The following PRKG1 variants were observed in gnomAD, a reference collection of about 807,000 sequenced individuals.
The protein encoded by PRKG1 is cGMP-dependent protein kinase 1.
In PRKG1, 35 loss-of-function variants were observed where a neutral mutation model predicts 88.1. That is an observed-to-expected ratio of 0.40 (90% CI 0.30 to 0.53). The LOEUF (loss-of-function observed/expected upper bound fraction) is 0.53. Ranked by LOEUF, PRKG1 falls within the 20% of genes least tolerant of loss-of-function variation. The pLI is 0.59. For synonymous variants in PRKG1, 303 were observed against 292.5 expected, an observed-to-expected ratio of 1.04 and a Z score of -0.37; for missense variants, 540 against 839.8, an observed-to-expected ratio of 0.64 and a Z score of 4.41.
chr10:51,661,041 T>G (rs1184977494), intron 3 of PRKG1, among the ~76,000 whole-genome samples: 1 of 152,070 alleles, frequency 6.6e-6, no homozygotes, highest in Non-Finnish European at 1.5e-5. Flanking sequence ...TTGTTGTTGT[T>G]GTTAGAATGG....
intron 3 of PRKG1, among the ~76,000 whole-genome samples, chr10:51,622,760 C>T (rs1012949768): frequency 6.6e-6 from 1 of 152,152 alleles, no homozygotes. Flanking sequence ...AAGAACAGTG[C>T]TTTTTGGCCA....
chr10:52,153,543 A>C (rs1838000899), intron 8 of PRKG1, among the ~76,000 whole-genome samples: 1 of 152,054 alleles, frequency 6.6e-6, no homozygotes, highest in Non-Finnish European at 1.5e-5. Context: ...CTGTTTCTTG[A>C]TTGTTAACTT....
chr10:51,446,017 G>C (rs1839263179), intron 2 of PRKG1, among the ~76,000 whole-genome samples: 1 of 151,972 alleles, frequency 6.6e-6, no homozygotes, highest in South Asian at 2.1e-4. Context: ...TTGCCCTTAA[G>C]AAGTAGAGTT....
chr10:51,426,943 T>G (rs16917897), intron 2 of PRKG1, among the ~76,000 whole-genome samples: 4,595 of 152,268 alleles, frequency 0.03, 208 homozygotes, highest in African/African-American at 0.1. Flanking sequence ...ATTCTTACTT[T>G]TCATTTCTTC....
intron 2 of PRKG1, among the ~76,000 whole-genome samples, chr10:51,383,300 TGAG>T (rs1486360815): frequency 1.3e-5 from 2 of 151,376 alleles, no homozygotes; most frequent in East Asian, 1.9e-4. Flanking sequence ...GCAAGTAGAA[TGAG>T]GAGGAGTAGA....
intron 5 of PRKG1, among the ~76,000 whole-genome samples, chr10:52,043,366 C>T (rs111722921): frequency 3.3e-5 from 5 of 152,106 alleles, no homozygotes; most frequent in African/African-American, 1.2e-4. Flanking sequence ...GGAATATATA[C>T]ACAATGAAAT....
chr10:51,539,720 A>G (rs1842252870), intron 3 of PRKG1, among the ~76,000 whole-genome samples: 1 of 152,156 alleles, frequency 6.6e-6, no homozygotes, highest in South Asian at 2.1e-4. Context: ...CTTCCACCAG[A>G]GGAGATAGGG....
At chr10:51,666,922 G>A (rs1383327529) in intron 3 of PRKG1, among the ~76,000 whole-genome samples, 3 of 152,056 alleles carry the variant, frequency 2.0e-5, no homozygotes, top group Non-Finnish European at 4.4e-5. Context: ...AGCCTCCTGA[G>A]TAGCTGGGAT....
intron 2 of PRKG1, among the ~76,000 whole-genome samples, chr10:51,155,423 A>G (rs1846182291): frequency 6.6e-6 from 1 of 152,014 alleles, no homozygotes; most frequent in Non-Finnish European, 1.5e-5. Context: ...GGTAAAGGCT[A>G]ATATTTATTA....
chr10:51,017,483 T>C (rs1843082534), intron 1 of PRKG1, among the ~76,000 whole-genome samples: 1 of 152,208 alleles, frequency 6.6e-6, no homozygotes. Context: ...ATAATGTATG[T>C]GAAAGTGCTT....
intron 7 of PRKG1, among the ~76,000 whole-genome samples, chr10:52,122,842 A>C (rs529214023): frequency 1.3e-5 from 2 of 152,228 alleles, no homozygotes; most frequent in South Asian, 4.1e-4. Context: ...GTCACGTTTT[A>C]ACATTTAGGG....
chr10:51,271,448 T>C (rs1314970425), intron 2 of PRKG1, among the ~76,000 whole-genome samples: 2 of 152,192 alleles, frequency 1.3e-5, no homozygotes, highest in African/African-American at 2.4e-5. Flanking sequence ...CAAAAAGTTT[T>C]GTCCTATAAA....
chr10:51,555,654 T>C (rs1837290710), intron 3 of PRKG1, among the ~76,000 whole-genome samples: 1 of 152,032 alleles, frequency 6.6e-6, no homozygotes, highest in African/African-American at 2.4e-5. Flanking sequence ...ATGTTCCTTC[T>C]TCCTGTTGGC....
At chr10:51,042,293 T>G (rs2132759577) in intron 1 of PRKG1, among the ~76,000 whole-genome samples, 1 of 152,340 alleles carries the variant, frequency 6.6e-6, no homozygotes, top group Admixed American at 6.5e-5. Context: ...GTGTTCTAAC[T>G]TGTCATGTTA....
Position 51,794,199 on chromosome 10 carries a change from A to G in PRKG1, c.593-10386A>G, listed in dbSNP as rs573935177. ...ACCCAACATCAGAACACTTAAATAT[A>G]TAAACAAATGTTAATAGCTCTGAAG... On this transcript the variant is annotated intron_variant, in intron 3 of 17. Transcript: ENST00000373980. Among the ~76,000 whole-genome samples the G allele has an allele frequency of 2.0e-5, 3 of 152,348 alleles. No individual in the cohort carries two copies. The East Asian group carries it at 5.8e-4, about 29-fold the overall frequency.
chr10:51,444,083 G>T (rs1839200417), intron 2 of PRKG1, among the ~76,000 whole-genome samples: 1 of 151,072 alleles, frequency 6.6e-6, no homozygotes, highest in African/African-American at 2.4e-5. Context: ...CATGATCAGA[G>T]GAGGAAAAAA....
At chr10:51,553,263 A>T (rs1430424716) in intron 3 of PRKG1, among the ~76,000 whole-genome samples, 1 of 151,682 alleles carries the variant, frequency 6.6e-6, no homozygotes, top group Non-Finnish European at 1.5e-5. Flanking sequence ...CCTTCACTAG[A>T]CTGTAAATAA....
chr10:51,399,296 C>G (rs141907594), intron 2 of PRKG1, among the ~76,000 whole-genome samples: 67 of 152,160 alleles, frequency 4.4e-4, no homozygotes, highest in African/African-American at 1.2e-3. Context: ...AATCAGTGTT[C>G]CCCAGAGAAA....
At chr10:51,662,695 A>T (rs2132333263) in intron 3 of PRKG1, among the ~76,000 whole-genome samples, 1 of 152,316 alleles carries the variant, frequency 6.6e-6, no homozygotes, top group Non-Finnish European at 1.5e-5. Context: ...GAAAAGTATA[A>T]AAGGAGCAAA....
Sources: gnomAD v4.1 joint callset for allele counts (sites outside exome capture counted in the v4.1 genomes callset) on GRCh38, gnomAD v4.1.1 for gene constraint, MANE v1.5 for transcripts, NCBI Gene and HGNC (gene_info 2026-07-23, HGNC 2026-07-21) for gene names.